Variants in RBM33 observed in about 807,000 individuals in gnomAD.
RBM33 encodes RNA-binding protein 33.
RBM33 carries 28 observed loss-of-function variants against 132.6 expected under a neutral mutation model. The observed-to-expected ratio is 0.21, with a 90% CI of 0.16 to 0.29. The LOEUF is 0.29. RBM33 is among the 10% of genes least tolerant of loss of function. The probability of loss-of-function intolerance (pLI) is 1.00; values close to 1 mark genes in which losing one functional copy is unlikely to be tolerated. For synonymous variants in RBM33, 634 were observed against 593.0 expected (o/e 1.07, Z -1.01); for missense variants, 1,291 against 1,518.5 (o/e 0.85, Z 2.49).
intron 3 of RBM33, among the ~76,000 whole-genome samples, chr7:155,673,939 A>AGTTGTTGTTTTTTTTTTGTTTTTTT (rs144951964): frequency 7.0e-5 from 1 of 14,348 alleles, no homozygotes; most frequent in African/African-American, 2.8e-4. Flanking sequence ...GTTTAGGCTT[A>AGTTGTTGTTTTTTTTTTGTTTTTTT]GTTTTTTTTT....
At chr7:155,767,598 G>T (rs1022549269) in intron 16 of RBM33, among the ~76,000 whole-genome samples, 2 of 152,216 alleles carry the variant, frequency 1.3e-5, no homozygotes, top group Non-Finnish European at 2.9e-5. Flanking sequence ...ATGAATAGAT[G>T]AAAACTCTTC....
chr7:155,723,684 A>T (rs1461686918), intron 9 of RBM33, among the ~76,000 whole-genome samples: 2 of 152,212 alleles, frequency 1.3e-5, no homozygotes, highest in Non-Finnish European at 2.9e-5. Context: ...CATGTGTTGG[A>T]TAGAGATAGG....
At chr7:155,762,514 G>A (rs1261813955) in intron 14 of RBM33, among the ~76,000 whole-genome samples, 3 of 152,208 alleles carry the variant, frequency 2.0e-5, no homozygotes, top group Admixed American at 2.0e-4. Context: ...GAGAAGATTT[G>A]CAGACATTTT....
intron 5 of RBM33, among the ~76,000 whole-genome samples, chr7:155,681,556 C>T (rs1585431212): frequency 1.3e-5 from 2 of 151,626 alleles, no homozygotes; most frequent in African/African-American, 2.4e-5. Flanking sequence ...TTAAATGACT[C>T]ATTATCAAAA....
intron 13 of RBM33, among the ~76,000 whole-genome samples, chr7:155,744,239 C>T (rs902911989): frequency 1.3e-5 from 2 of 152,216 alleles, no homozygotes; most frequent in East Asian, 3.8e-4. Flanking sequence ...AATATTATTA[C>T]AATTCTTTAA....
chr7:155,702,825 A>AT (rs1467766924), intron 6 of RBM33, among the ~76,000 whole-genome samples: 11 of 152,240 alleles, frequency 7.2e-5, no homozygotes, highest in Admixed American at 3.9e-4. Flanking sequence ...CTTTGATTAC[A>AT]TACATTTAAA....
At chr7:155,773,622 C>T (rs935157018) in intron 16 of RBM33, among the ~76,000 whole-genome samples, 1 of 148,428 alleles carries the variant, frequency 6.7e-6, no homozygotes, top group Non-Finnish European at 1.5e-5. Flanking sequence ...GTGCGTGCTC[C>T]AGACAGCAGG....
chr7:155,774,491 A>AAT lies in RBM33; in HGVS notation c.3376-59_3376-58dup, dbSNP rs1802540123. The AAT allele has an allele frequency of 3.5e-6, 4 of 1,146,530 alleles. No individual in the cohort carries two copies. The highest frequency in any genetic ancestry group is 1.8e-5 in the Admixed American group (1 of 56,862). The allele number at this position is 1,146,530 out of a possible 1,614,324, so 71.0% of individuals were successfully genotyped here. A position where few individuals can be genotyped will look rare whatever the true frequency, so the allele number is the denominator to read the frequency against. ...TTTGTGTTAAAACTAATAATGCTTA[A>AAT]ATATATATATTCATATTTTTTATTG... On this transcript the variant is annotated intron_variant, in intron 16 of 17. Coordinates refer to ENST00000401878, the MANE Select transcript of RBM33 (RefSeq NM_053043.3). This position sits in a 1 kb window ranked among gnomAD's most constrained non-coding sequence, Gnocchi z 4.2.
At position 155,711,208 on chromosome 7, in the gene RBM33, G is replaced by C. The variant is rs749039559; in HGVS notation, c.954G>C (p.Gln318His). The C allele has an allele frequency of 6.4e-7, 1 of 1,555,002 alleles. No homozygotes were observed. The highest frequency in any genetic ancestry group is 2.0e-5 in the Admixed American group (1 of 51,160). Residue 318 changes from glutamine (Q) to histidine (H), a missense_variant, in exon 8 of 18, where the codon CAG (glutamine) becomes CAC (histidine). By Grantham distance (24) the Gln-to-His change is conservative. Transcript: ENST00000401878. The part of the protein sequence containing the change: ...LLPTQPPVVP[Q>H]APPPPPPPPQ... Reference sequence around the variant, plus strand: ...CAAGGTTAATTCCTCCACAGCCCCAGGCTCCCCCTCCACCGCCACCGCCGC... The same window carrying C: ...CAAGGTTAATTCCTCCACAGCCCCACGCTCCCCCTCCACCGCCACCGCCGC...
intron 6 of RBM33, among the ~76,000 whole-genome samples, chr7:155,701,658 G>GAT (rs1371115115): frequency 6.6e-6 from 1 of 152,122 alleles, no homozygotes; most frequent in Non-Finnish European, 1.5e-5. Context: ...TGATTGATTA[G>GAT]ATATAGGGTA....
chr7:155,712,513 T>C (rs187742713), intron 8 of RBM33, among the ~76,000 whole-genome samples: 2 of 152,318 alleles, frequency 1.3e-5, no homozygotes, highest in African/African-American at 2.4e-5. Flanking sequence ...TGTTAGAAGA[T>C]GAAAATGCAG....
At position 155,774,680 on chromosome 7, in the gene RBM33, G is replaced by A. The variant is rs188913879; in HGVS notation, c.3464+33G>A. On this transcript the variant is annotated intron_variant, in intron 17 of 17. Transcript: ENST00000401878. This position sits in a 1 kb window ranked among gnomAD's most constrained non-coding sequence, Gnocchi z 4.2. ...GTGTGTTCTGTGCTTGTGGTGATAA[G>A]GGGGCGGGAGCAAGGCCCTCCTTCC... The A allele has an allele frequency of 6.4e-7, 1 of 1,558,808 alleles. No homozygotes were observed. The highest frequency in any genetic ancestry group is 8.9e-7 in the Non-Finnish European group (1 of 1,129,812).
Position 155,774,606 on chromosome 7 carries a change from G to A in RBM33, c.3423G>A (p.Lys1141=). 1 of 1,614,008 alleles carries A rather than the reference G, an allele frequency of 6.2e-7. No individual in the cohort carries two copies. The highest frequency in any genetic ancestry group is 8.5e-7 in the Non-Finnish European group (1 of 1,179,892). ...PQQRKAIAKF[K]EPAHALAFQQ... is the part of the protein sequence containing the mutation. ...AACGGAAAGCCATAGCTAAGTTCAA[G>A]GAGCCAGCCCACGCATTAGCATTTC... is the stretch of plus-strand genomic sequence containing the variant. Residue 1141 remains lysine (K), a synonymous_variant, in exon 17 of 18, where the codon AAG becomes AAA. Transcript: ENST00000401878. This position sits in a 1 kb window ranked among gnomAD's most constrained non-coding sequence, Gnocchi z 4.2.
chr7:155,694,406 TGAG>T (rs1237690645), intron 5 of RBM33, among the ~76,000 whole-genome samples: 1 of 152,180 alleles, frequency 6.6e-6, no homozygotes, highest in African/African-American at 2.4e-5. Flanking sequence ...GAGGAAGAAA[TGAG>T]AGAAGCTTTA....
At chr7:155,711,071 A>G (rs1477769820) in intron 7 of RBM33, 132 bp from the exon 8 acceptor site, 2 of 1,322,036 alleles carry the variant, frequency 1.5e-6, no homozygotes, top group South Asian at 1.8e-5. Flanking sequence ...GACTTCTTAC[A>G]TTGTAACTTA....
At chr7:155,659,090 T>G (rs932127502) in intron 1 of RBM33, among the ~76,000 whole-genome samples, 1 of 152,196 alleles carries the variant, frequency 6.6e-6, no homozygotes, top group Non-Finnish European at 1.5e-5. Flanking sequence ...GACAGCAACC[T>G]TCATTGTGTA....
chr7:155,670,813 T>C (rs927306791), intron 2 of RBM33, among the ~76,000 whole-genome samples: 13 of 152,242 alleles, frequency 8.5e-5, no homozygotes, highest in Non-Finnish European at 1.9e-4. Flanking sequence ...TCATTAGTCA[T>C]GAAACAAGTA....
rs980081946 is a variant in RBM33, at chr7:155,673,403, T to A, written c.171+488T>A. ...AATTTGTATATCTATTTATATATAT[T>A]GTGTGTGTGTGTGTGTGTGTGTGTG... On this transcript the variant is annotated intron_variant, in intron 3 of 17. Transcript: ENST00000401878. Among the ~76,000 whole-genome samples the A allele has an allele frequency of 4.5e-3, 16 of 3,538 alleles. 1 individual carries two copies. Among genetic ancestry groups the A allele is most frequent in the Admixed American group, 0.017 (6 of 356 alleles). The allele number at this position is 3,538 out of a possible 152,430, so 2.3% of individuals were successfully genotyped here.
At chr7:155,688,381 G>C (rs1799536733) in intron 5 of RBM33, among the ~76,000 whole-genome samples, 1 of 152,222 alleles carries the variant, frequency 6.6e-6, no homozygotes, top group Non-Finnish European at 1.5e-5. Context: ...TTTGGGCTGA[G>C]ACGATGGGGT....
Sources: gnomAD v4.1 joint callset for allele counts (sites outside exome capture counted in the v4.1 genomes callset) on GRCh38, gnomAD v4.1.1 for gene constraint, Gnocchi (gnomAD v3.1) non-coding constraint, MANE v1.5 for transcripts, NCBI Gene and HGNC (gene_info 2026-07-23, HGNC 2026-07-21) for gene names.